CHST9: variants seen among roughly 807,000 people sequenced by gnomAD.
CHST9 encodes GalNAc-4-sulfotransferase 2.
CHST9 carries 41 observed loss-of-function variants against 44.4 expected under a neutral mutation model. That is an observed-to-expected ratio of 0.92 (90% confidence interval 0.72 to 1.20). The LOEUF (loss-of-function observed/expected upper bound fraction) is 1.20. CHST9 is among the 50% of genes most tolerant of loss of function. The probability of loss-of-function intolerance (pLI) is 0.00; values close to 1 mark genes in which losing one functional copy is unlikely to be tolerated. For missense variants in CHST9, 504 were observed against 516.5 expected (o/e 0.98, Z 0.23); for synonymous variants, 171 against 178.4 (o/e 0.96, Z 0.33).
rs1317717951 is a variant in CHST9 at position 27,036,111 on chromosome 18, G to A, written c.161-11954C>T. 2.0e-5 allele frequency among the ~76,000 whole-genome samples: 3 copies of A among 151,858 alleles called. No homozygotes were observed. In the East Asian group the frequency reaches 5.8e-4, roughly 29 times the overall value. ...ATTCAAAAGTACACACCCTTTTTCC[G>A]AGTGTAACAGTACGTATGATATTAT... On this transcript the variant is annotated intron_variant, in intron 3 of 5. Coordinates refer to ENST00000618847, the MANE Select transcript of CHST9 (RefSeq NM_031422.6).
At chr18:27,025,468 A>G (rs776618565) in intron 3 of CHST9, among the ~76,000 whole-genome samples, 3 of 152,070 alleles carry the variant, frequency 2.0e-5, no homozygotes, top group Non-Finnish European at 2.9e-5. Flanking sequence ...TTTTTAGCAA[A>G]TTTCACGTGT....
chr18:27,004,318 G>A (rs1683437), intron 4 of CHST9, among the ~76,000 whole-genome samples: 2 of 148,618 alleles, frequency 1.3e-5, no homozygotes, highest in East Asian at 2.0e-4. Flanking sequence ...GGGCGGGGGC[G>A]TTTTGCTAGG....
chr18:26,996,759 T>C (rs184222645), intron 4 of CHST9, among the ~76,000 whole-genome samples: 179 of 152,302 alleles, frequency 1.2e-3, no homozygotes, highest in African/African-American at 4.3e-3. Context: ...GTATGTGAAA[T>C]GCATGGCTGT....
chr18:26,922,937 A>C (rs569261213), intron 5 of CHST9, among the ~76,000 whole-genome samples: 3 of 152,208 alleles, frequency 2.0e-5, no homozygotes, highest in South Asian at 4.2e-4. Flanking sequence ...CGCCTGGCCA[A>C]TTCTTGTTAT....
chr18:26,931,086 T>C (rs1411055151), intron 5 of CHST9, among the ~76,000 whole-genome samples: 1 of 152,190 alleles, frequency 6.6e-6, no homozygotes, highest in East Asian at 1.9e-4. Context: ...CCAACTGCAA[T>C]GCTCTTTTAC....
At chr18:27,029,124 G>T (rs547840429) in intron 3 of CHST9, among the ~76,000 whole-genome samples, 1 of 151,886 alleles carries the variant, frequency 6.6e-6, no homozygotes, top group Non-Finnish European at 1.5e-5. Context: ...ACCAGAAAGG[G>T]GGCTCAAGAC....
intron 2 of CHST9, among the ~76,000 whole-genome samples, chr18:27,129,729 T>C (rs1215123070): frequency 6.6e-6 from 1 of 152,106 alleles, no homozygotes; most frequent in Non-Finnish European, 1.5e-5. Context: ...AGTTTGAAAA[T>C]AAAACCTCAG....
chr18:27,148,464 A>G (rs368049773), intron 1 of CHST9, among the ~76,000 whole-genome samples: 2 of 122,364 alleles, frequency 1.6e-5, no homozygotes, highest in South Asian at 2.6e-4. Context: ...GTGTCCATGT[A>G]TTCTCATTGT....
intron 4 of CHST9, among the ~76,000 whole-genome samples, chr18:26,958,401 C>T (rs1376901821): frequency 6.6e-6 from 1 of 151,260 alleles, no homozygotes; most frequent in East Asian, 1.9e-4. Context: ...CTAGGAAACA[C>T]GATTCTAGAC....
At position 26,976,216 on chromosome 18, in the gene CHST9, C is replaced by T. The variant is rs572957474; in HGVS notation, c.203-31850G>A. On this transcript the variant is annotated intron_variant, in intron 4 of 5. Transcript: ENST00000618847. Reference sequence around the variant, plus strand: ...AGGACAAATGGAATCATTCCAGAACCTTCTTTGAAATCAGAATCAGACACA... The same window carrying T: ...AGGACAAATGGAATCATTCCAGAACTTTCTTTGAAATCAGAATCAGACACA... Among the ~76,000 whole-genome samples, 4 of 152,098 alleles carry T rather than the reference C, an allele frequency of 2.6e-5. No homozygotes were observed. In the East Asian group the frequency reaches 7.7e-4, roughly 29 times the overall value.
At chr18:27,083,205 G>T (rs1204322762) in intron 2 of CHST9, among the ~76,000 whole-genome samples, 1 of 152,044 alleles carries the variant, frequency 6.6e-6, no homozygotes, top group African/African-American at 2.4e-5. Context: ...GCTTAAATAG[G>T]CATTGGAAGG....
chr18:26,929,494 G>C (rs1320853533), intron 5 of CHST9, among the ~76,000 whole-genome samples: 8 of 152,246 alleles, frequency 5.3e-5, no homozygotes, highest in African/African-American at 1.9e-4. Flanking sequence ...TAAATACCGG[G>C]CATATCATCT....
intron 4 of CHST9, among the ~76,000 whole-genome samples, chr18:26,964,654 T>C (rs1056415024): frequency 2.8e-4 from 42 of 152,236 alleles, no homozygotes; most frequent in African/African-American, 1.0e-3. Context: ...GCTCATTGCC[T>C]TCCCACCTCC....
chr18:26,982,086 T>A (rs977934873), intron 4 of CHST9, among the ~76,000 whole-genome samples: 16 of 152,152 alleles, frequency 1.1e-4, no homozygotes, highest in African/African-American at 3.9e-4. Flanking sequence ...TAAGATAAAG[T>A]ACAAAATCCT....
chr18:27,008,133 A>G (rs1478216243), intron 4 of CHST9, among the ~76,000 whole-genome samples: 1 of 152,160 alleles, frequency 6.6e-6, no homozygotes, highest in Non-Finnish European at 1.5e-5. Flanking sequence ...CTCCCTTGTA[A>G]CAGGAGAGAA....
chr18:27,061,701 C>T (rs2057723581), intron 2 of CHST9, among the ~76,000 whole-genome samples: 1 of 151,946 alleles, frequency 6.6e-6, no homozygotes, highest in South Asian at 2.1e-4. Context: ...GTATCAATGG[C>T]CCCAGTGCAC....
At chr18:27,122,023 G>A (rs1598739239) in intron 2 of CHST9, among the ~76,000 whole-genome samples, 2 of 152,276 alleles carry the variant, frequency 1.3e-5, no homozygotes, top group East Asian at 3.9e-4. Flanking sequence ...CTCGTGAGAG[G>A]CTGAGGCTGA....
At chr18:27,148,173 C>T (rs560453836) in intron 1 of CHST9, among the ~76,000 whole-genome samples, 4 of 152,154 alleles carry the variant, frequency 2.6e-5, no homozygotes, top group Non-Finnish European at 4.4e-5. Flanking sequence ...GCTCCATCCA[C>T]GTTTCCACAA....
intron 1 of CHST9, among the ~76,000 whole-genome samples, chr18:27,184,668 G>A (rs1406720939): frequency 6.6e-6 from 1 of 152,132 alleles, no homozygotes; most frequent in Admixed American, 6.5e-5. Context: ...AGAGATGCTC[G>A]TCTTTCTGCC....
Sources: allele counts gnomAD v4.1 joint callset (sites outside exome capture counted in the v4.1 genomes callset), GRCh38; gene constraint gnomAD v4.1.1; transcripts MANE v1.5; gene names NCBI Gene and HGNC (gene_info 2026-07-23, HGNC 2026-07-21).